Variants in PCDH11X observed in about 807,000 individuals in gnomAD.
The protein encoded by PCDH11X is protocadherin 11 X-linked, also known as protocadherin-11 X-linked.
Under a neutral mutation model 53.3 loss-of-function variants are expected in PCDH11X, and 18 were observed. The observed-to-expected ratio is 0.34, with a 90% CI of 0.23 to 0.50. The LOEUF (loss-of-function observed/expected upper bound fraction) is 0.50, where lower values mean the gene tolerates loss of function less well. Ranked by LOEUF, PCDH11X falls within the 20% of genes least tolerant of loss-of-function variation. PCDH11X has a pLI of 0.98. For missense variants in PCDH11X, 570 were observed against 1,032.4 expected (o/e 0.55, Z 6.14); for synonymous variants, 279 against 393.3 (o/e 0.71, Z 3.44).
At chrX:91,918,254 T>C (rs922042711) in intron 6 of PCDH11X, among the ~76,000 whole-genome samples, 4 of 110,409 alleles carry the variant, frequency 3.6e-5, no homozygotes, top group African/African-American at 1.3e-4. Context: ...TATTTTTTAA[T>C]CTCCTAGGCT....
intron 9 of PCDH11X, among the ~76,000 whole-genome samples, chrX:92,411,513 G>A (rs1352797472): frequency 9.2e-6 from 1 of 108,634 alleles, no homozygotes; most frequent in Non-Finnish European, 1.9e-5. Flanking sequence ...CCACTTATGA[G>A]TGAGAACATG....
At chrX:92,412,548 TATATATAG>T (rs1357202371) in intron 9 of PCDH11X, among the ~76,000 whole-genome samples, 4 of 89,387 alleles carry the variant, frequency 4.5e-5, no homozygotes, top group Non-Finnish European at 6.6e-5. Context: ...TATATATATA[TATATATAG>T]ATAAAGAGGT....
intron 6 of PCDH11X, among the ~76,000 whole-genome samples, chrX:91,886,117 T>G (rs1940182217): frequency 8.9e-6 from 1 of 112,117 alleles, no homozygotes; most frequent in Non-Finnish European, 1.9e-5. Context: ...ACTTGATTCC[T>G]TCTTATCAGT....
chrX:91,800,112 C>A (rs1935880409), intron 1 of PCDH11X, among the ~76,000 whole-genome samples: 2 of 111,470 alleles, frequency 1.8e-5, no homozygotes, highest in Admixed American at 9.5e-5. Flanking sequence ...TTTTACATAA[C>A]ACTTTTCACA....
chrX:91,872,511 C>A (rs975633465), intron 5 of PCDH11X, among the ~76,000 whole-genome samples: 21 of 110,763 alleles, frequency 1.9e-4, no homozygotes, highest in African/African-American at 6.9e-4. Flanking sequence ...GGTGCTATAT[C>A]TTTAGAGATT....
At chrX:92,108,527 C>T (rs968906306) in intron 6 of PCDH11X, among the ~76,000 whole-genome samples, 3 of 110,948 alleles carry the variant, frequency 2.7e-5, no homozygotes, top group African/African-American at 6.6e-5. Context: ...AAAAAAAAAG[C>T]TTTCCCTAAA....
rs1444689951 is a variant in PCDH11X, at chrX:91,950,944, T to C, written c.3033+71671T>C. Among the ~76,000 whole-genome samples the C allele has an allele frequency of 2.7e-5, 3 of 110,039 alleles. No homozygotes were observed. The Admixed American group carries it at 2.9e-4, about 11-fold the overall frequency. On this transcript the variant is annotated intron_variant, in intron 6 of 10. Coordinates refer to ENST00000682573, the MANE Select transcript of PCDH11X (RefSeq NM_032968.5). ...AAACAACCTCGCAAAATCACTCCCA[T>C]GTATAGAGAGACATAAGGAAGATAC...
intron 10 of PCDH11X, among the ~76,000 whole-genome samples, chrX:92,504,458 G>A (rs1291420667): frequency 9.0e-6 from 1 of 111,395 alleles, no homozygotes; most frequent in African/African-American, 3.3e-5. Context: ...TGTTGTTATG[G>A]CTACATAGTA....
chrX:91,812,443 T>C (rs988697902), intron 4 of PCDH11X, among the ~76,000 whole-genome samples: 5 of 111,102 alleles, frequency 4.5e-5, no homozygotes, highest in African/African-American at 1.6e-4. Flanking sequence ...ATCCAGTAAA[T>C]CTTCCCATCC....
intron 6 of PCDH11X, among the ~76,000 whole-genome samples, chrX:92,080,228 T>A (rs1282675233): frequency 9.0e-6 from 1 of 111,189 alleles, no homozygotes; most frequent in East Asian, 2.8e-4. Context: ...TGCACCCTGC[T>A]GTCACTTTCA....
chrX:92,370,420 T>C (rs937284991), intron 8 of PCDH11X, among the ~76,000 whole-genome samples: 1 of 107,870 alleles, frequency 9.3e-6, no homozygotes, highest in Non-Finnish European at 1.9e-5. Context: ...TTAGATCCAA[T>C]TGGTCTATAG....
chrX:92,554,408 AT>A (rs1386260709), intron 10 of PCDH11X, among the ~76,000 whole-genome samples: 5 of 108,035 alleles, frequency 4.6e-5, no homozygotes, highest in African/African-American at 1.7e-4. Flanking sequence ...TACTATTATT[AT>A]TTTTAAAAAT....
chrX:91,849,154 A>G (rs1183883175), intron 5 of PCDH11X, among the ~76,000 whole-genome samples: 2 of 112,001 alleles, frequency 1.8e-5, no homozygotes, highest in African/African-American at 3.2e-5. Flanking sequence ...AAGATGTGGT[A>G]TAGAGTTCAG....
In PCDH11X at chrX:91,823,932, G is replaced by A. The variant is rs751901511; in HGVS notation, c.-44-11529G>A. On this transcript the variant is annotated intron_variant, in intron 4 of 10. Coordinates refer to ENST00000682573, the MANE Select transcript of PCDH11X (RefSeq NM_032968.5). ...AGTATTTTATTTCTCCTTCACTTATGAAGCTTAGTTTGGCTGGATATGAAA... is the reference window on the plus strand; with the variant it reads ...AGTATTTTATTTCTCCTTCACTTATAAAGCTTAGTTTGGCTGGATATGAAA... 1.3e-3 allele frequency among the ~76,000 whole-genome samples: 140 copies of A among 110,137 alleles called. No homozygotes were observed. In the South Asian group the frequency reaches 0.04, roughly 32 times the overall value.
chrX:91,982,575 C>T (rs1602614970), intron 6 of PCDH11X: 2 of 462,945 alleles, frequency 4.3e-6, no homozygotes, highest in Admixed American at 3.7e-5. Flanking sequence ...AGACATACAA[C>T]ATTAAAAGAT....
intron 6 of PCDH11X, among the ~76,000 whole-genome samples, chrX:92,100,948 T>G (rs1184628087): frequency 1.8e-5 from 2 of 111,281 alleles, no homozygotes; most frequent in African/African-American, 6.6e-5. Context: ...GATACGGTTT[T>G]GTATGAACTG....
intron 6 of PCDH11X, among the ~76,000 whole-genome samples, chrX:92,133,723 G>T (rs920209876): frequency 8.9e-6 from 1 of 112,304 alleles, no homozygotes; most frequent in Non-Finnish European, 1.9e-5. Context: ...CAATACAAAT[G>T]GACTGTGCAT....
At chrX:92,282,217 A>C (rs752691286) in intron 8 of PCDH11X, among the ~76,000 whole-genome samples, 2 of 111,485 alleles carry the variant, frequency 1.8e-5, no homozygotes, top group Non-Finnish European at 3.8e-5. Flanking sequence ...TATCTGTAAA[A>C]ATAGCTAATA....
intron 1 of PCDH11X, among the ~76,000 whole-genome samples, chrX:91,784,201 C>A (rs1212710730): frequency 3.7e-5 from 4 of 106,706 alleles, no homozygotes; most frequent in African/African-American, 1.3e-4. Context: ...CAATAGATAG[C>A]ACACAGTAGA....
Sources: gnomAD v4.1 joint callset for allele counts (sites outside exome capture counted in the v4.1 genomes callset) on GRCh38, gnomAD v4.1.1 for gene constraint, MANE v1.5 for transcripts, NCBI Gene and HGNC (gene_info 2026-07-23, HGNC 2026-07-21) for gene names.